The following C2orf92 variants were observed in gnomAD, a reference collection of about 807,000 sequenced individuals.
The protein encoded by C2orf92 is chromosome 2 open reading frame 92.
At chr2:97,698,726 G>T (rs762842963) in intron 5 of C2orf92, among the ~76,000 whole-genome samples, 3 of 152,162 alleles carry the variant, frequency 2.0e-5, no homozygotes, top group Admixed American at 1.3e-4. Context: ...GAAACTCTGG[G>T]GTGGGGCTTA....
intron 3 of C2orf92, among the ~76,000 whole-genome samples, chr2:97,682,147 GA>G (rs1675798370): frequency 6.6e-6 from 1 of 152,122 alleles, no homozygotes; most frequent in Non-Finnish European, 1.5e-5. Context: ...TAATTTTCTG[GA>G]AATAGAAAGC....
chr2:97,701,014 A>G, intron 6 of C2orf92, 140 bp from the exon 7 acceptor site: 1 of 370,312 alleles, frequency 2.7e-6, no homozygotes, highest in East Asian at 3.8e-5. Context: ...TACAGGCGTG[A>G]GCCACCGCGC....
intron 2 of C2orf92, among the ~76,000 whole-genome samples, chr2:97,674,840 A>G (rs757470919): frequency 2.0e-5 from 3 of 152,220 alleles, no homozygotes; most frequent in Non-Finnish European, 4.4e-5. Context: ...TGCAGAGGAC[A>G]GAAACCCGGT....
chr2:97,675,957 A>T, intron 3 of C2orf92, 29 bp downstream of exon 3: 1 of 398,598 alleles, frequency 2.5e-6, no homozygotes, highest in East Asian at 3.6e-5. Flanking sequence ...TGAAGCCTTT[A>T]GCCTGTGTTT....
chr2:97,671,543 G>A (rs1373787921), intron 1 of C2orf92: 1 of 398,516 alleles, frequency 2.5e-6, no homozygotes, highest in African/African-American at 2.1e-5. Flanking sequence ...TGGATTTGAA[G>A]AGTTGCGTGC....
In C2orf92 at chr2:97,675,906, G is replaced by A. The variant is rs1675560838; in HGVS notation, c.210G>A (p.Glu70=). Residue 70 remains glutamate, a synonymous_variant, in exon 3 of 8, where the codon GAG becomes GAA. Transcript: ENST00000627399. ...TTGCATCAGGTTCAAATGAGCGAGA[G>A]GAACATTTGGCTAAAATATTTGGTA... ...AAFASGSNER[E]EHLAKIFDEI... 2.5e-6 allele frequency: 1 copy of A among 398,848 alleles called. No homozygotes were observed. The highest frequency in any genetic ancestry group is 1.3e-4 in the South Asian group (1 of 7,856). The allele number at this position is 398,848 out of a possible 1,614,324, so 24.7% of individuals were successfully genotyped here.
intron 5 of C2orf92, among the ~76,000 whole-genome samples, chr2:97,696,504 G>A (rs984190295): frequency 3.9e-5 from 6 of 152,020 alleles, no homozygotes; most frequent in African/African-American, 1.4e-4. Context: ...GGGAGGCCGA[G>A]GCAGGTGGAT....
At chr2:97,676,979 C>T (rs1675604963) in intron 3 of C2orf92, among the ~76,000 whole-genome samples, 1 of 152,292 alleles carries the variant, frequency 6.6e-6, no homozygotes, top group African/African-American at 2.4e-5. Context: ...GAATCTGTCC[C>T]TTTACCAAAA....
upstream of C2orf92, chr2:97,664,009 G>C (rs1227633390): frequency 5.8e-6 from 3 of 520,884 alleles, no homozygotes; most frequent in Non-Finnish European, 8.5e-6. Context: ...CTCCCTCCCC[G>C]AGCCTGCAGC....
rs1396294194 is a variant in C2orf92 at position 97,684,569 on chromosome 2, G to A, written c.233-4326G>A. 2.6e-5 allele frequency among the ~76,000 whole-genome samples: 4 copies of A among 152,288 alleles called. No homozygotes were observed. In the South Asian group the frequency reaches 6.2e-4, roughly 24 times the overall value. On this transcript the variant is annotated intron_variant, in intron 3 of 7. Coordinates refer to ENST00000627399, the MANE Select transcript of C2orf92 (RefSeq NM_001351368.2). Reference sequence around the variant, plus strand: ...ATCTTCATGACCTTGAATTAGGCACGTGATGTTTTAAATCTGACACCAAAA... The same window carrying A: ...ATCTTCATGACCTTGAATTAGGCACATGATGTTTTAAATCTGACACCAAAA...
chr2:97,701,703 C>G (rs966915751), intron 7 of C2orf92, among the ~76,000 whole-genome samples: 1 of 152,252 alleles, frequency 6.6e-6, no homozygotes, highest in Non-Finnish European at 1.5e-5. Context: ...GAGAGCAGGG[C>G]TGATATTCAG....
At chr2:97,672,075 G>C (rs1464064106) in intron 1 of C2orf92, among the ~76,000 whole-genome samples, 1 of 152,152 alleles carries the variant, frequency 6.6e-6, no homozygotes, top group Non-Finnish European at 1.5e-5. Context: ...CGGAGAAAAG[G>C]GTTCTGAACC....
chr2:97,678,758 C>G (rs1312500981), intron 3 of C2orf92, among the ~76,000 whole-genome samples: 1 of 150,710 alleles, frequency 6.6e-6, no homozygotes, highest in Non-Finnish European at 1.5e-5. Flanking sequence ...TCACTTGAGC[C>G]CAGGAATTCG....
At chr2:97,682,466 A>G (rs1218804050) in intron 3 of C2orf92, among the ~76,000 whole-genome samples, 1 of 152,232 alleles carries the variant, frequency 6.6e-6, no homozygotes, top group East Asian at 1.9e-4. Flanking sequence ...CTAAGAGGCC[A>G]GTATGGAGTA....
At chr2:97,700,831 G>A (rs1346985451) in intron 6 of C2orf92, among the ~76,000 whole-genome samples, 3 of 151,806 alleles carry the variant, frequency 2.0e-5, no homozygotes, top group East Asian at 1.9e-4. Context: ...CCGGGTTCAC[G>A]CCATTCTCCT....
chr2:97,701,042 G>C (rs1048995283), intron 6 of C2orf92, 112 bp from the exon 7 acceptor site: 1 of 392,566 alleles, frequency 2.5e-6, no homozygotes, highest in Non-Finnish European at 4.5e-6. Context: ...AGATGCCAAG[G>C]TTTCTATTCT....
intron 3 of C2orf92, among the ~76,000 whole-genome samples, chr2:97,680,282 G>C (rs1675726128): frequency 6.6e-6 from 1 of 152,226 alleles, no homozygotes; most frequent in Non-Finnish European, 1.5e-5. Context: ...CTGGGCGACA[G>C]AGTGAGACTC....
intron 3 of C2orf92, among the ~76,000 whole-genome samples, chr2:97,676,697 A>C (rs546072943): frequency 9.9e-4 from 149 of 150,948 alleles, no homozygotes; most frequent in African/African-American, 3.5e-3. Flanking sequence ...TTTTGAGCCC[A>C]GGAGTTTGAG....
At chr2:97,684,696 A>G (rs906947130) in intron 3 of C2orf92, among the ~76,000 whole-genome samples, 2 of 152,230 alleles carry the variant, frequency 1.3e-5, no homozygotes, top group Admixed American at 6.5e-5. Flanking sequence ...AAATGTTTGC[A>G]ATTCACATAT....
Sources: gnomAD v4.1 joint callset for allele counts (sites outside exome capture counted in the v4.1 genomes callset) on GRCh38, gnomAD v4.1.1 for gene constraint, MANE v1.5 for transcripts, NCBI Gene and HGNC (gene_info 2026-07-23, HGNC 2026-07-21) for gene names.